Variants in BNC2 observed in about 807,000 individuals in gnomAD.
The protein encoded by BNC2 is zinc finger protein basonuclin-2.
BNC2 carries 20 observed loss-of-function variants against 76.3 expected under a neutral mutation model. The observed-to-expected ratio is 0.26, with a 90% CI of 0.18 to 0.38. The LOEUF (loss-of-function observed/expected upper bound fraction) is 0.38. Ranked by LOEUF, BNC2 falls within the 10% of genes least tolerant of loss-of-function variation. The probability of loss-of-function intolerance (pLI) is 1.00; values close to 1 mark genes in which losing one functional copy is unlikely to be tolerated. For synonymous variants in BNC2, 582 were observed against 514.8 expected, an observed-to-expected ratio of 1.13 and a Z score of -1.77; for missense variants, 1,382 against 1,399.8, an observed-to-expected ratio of 0.99 and a Z score of 0.20.
intron 3 of BNC2, among the ~76,000 whole-genome samples, chr9:16,622,232 C>T (rs1820885171): frequency 6.6e-6 from 1 of 152,110 alleles, no homozygotes; most frequent in Non-Finnish European, 1.5e-5. Context: ...TTCATCTGCG[C>T]CCACTCTAAA....
At chr9:16,578,013 ACC>A (rs1819532699) in intron 4 of BNC2, among the ~76,000 whole-genome samples, 1 of 152,102 alleles carries the variant, frequency 6.6e-6, no homozygotes, top group South Asian at 2.1e-4. Flanking sequence ...CACCTCACAT[ACC>A]TAGGAAACAG....
chr9:16,708,198 C>A (rs940789722), intron 3 of BNC2, among the ~76,000 whole-genome samples: 1 of 152,118 alleles, frequency 6.6e-6, no homozygotes, highest in Admixed American at 6.5e-5. Flanking sequence ...GTGAGTAGAT[C>A]AAATCTGTGA....
At chr9:16,694,629 C>T (rs980616774) in intron 3 of BNC2, among the ~76,000 whole-genome samples, 3 of 151,990 alleles carry the variant, frequency 2.0e-5, no homozygotes, top group African/African-American at 7.3e-5. Flanking sequence ...TGTAGCATGT[C>T]GAAGATCAAT....
chr9:16,725,018 G>A (rs1300653164), intron 3 of BNC2, among the ~76,000 whole-genome samples: 1 of 151,916 alleles, frequency 6.6e-6, no homozygotes, highest in African/African-American at 2.4e-5. Flanking sequence ...ATTTTACTTA[G>A]AAATAAAATA....
intron 4 of BNC2, among the ~76,000 whole-genome samples, chr9:16,559,804 T>C (rs1818954949): frequency 6.6e-6 from 1 of 152,256 alleles, no homozygotes; most frequent in African/African-American, 2.4e-5. Context: ...CATTCATTTA[T>C]CCACCAGCAC....
intron 1 of BNC2, among the ~76,000 whole-genome samples, chr9:16,765,433 A>G (rs1367525966): frequency 6.6e-6 from 1 of 152,242 alleles, no homozygotes; most frequent in Admixed American, 6.5e-5. Context: ...GATGGAAACA[A>G]TATTACTCAA....
intron 6 of BNC2, among the ~76,000 whole-genome samples, chr9:16,433,600 A>G (rs144606499): frequency 1.3e-5 from 2 of 152,344 alleles, no homozygotes; most frequent in African/African-American, 4.8e-5. Context: ...CCTCAGATAA[A>G]CCAACAAGCA....
intron 1 of BNC2, among the ~76,000 whole-genome samples, chr9:16,845,027 G>T (rs888392073): frequency 3.3e-5 from 5 of 152,112 alleles, no homozygotes; most frequent in Admixed American, 2.6e-4. Flanking sequence ...ACCAGGTTCA[G>T]AACCCAAAGA....
rs563728027 is a variant in BNC2 at position 16,866,695 on chromosome 9, C to T, written c.3+3951G>A. ...AAAAAAAAAAAAAAAACCATAATAGCACCTCCCAGCCTCAACACTGAGCCA... is the reference window on the plus strand; with the variant it reads ...AAAAAAAAAAAAAAAACCATAATAGTACCTCCCAGCCTCAACACTGAGCCA... On this transcript the variant is annotated intron_variant, in intron 1 of 6. Coordinates refer to ENST00000380672, the MANE Select transcript of BNC2 (RefSeq NM_017637.6). Among the ~76,000 whole-genome samples the T allele has an allele frequency of 5.3e-5, 8 of 149,592 alleles. No individual in the cohort carries two copies. The East Asian group carries it at 1.2e-3, about 22-fold the overall frequency.
At chr9:16,804,202 A>G (rs1261085068) in intron 1 of BNC2, among the ~76,000 whole-genome samples, 1 of 152,276 alleles carries the variant, frequency 6.6e-6, no homozygotes, top group Non-Finnish European at 1.5e-5. Flanking sequence ...TCAATAAAGC[A>G]TCATAAAATA....
At chr9:16,852,455 G>A (rs62541877) in intron 1 of BNC2, among the ~76,000 whole-genome samples, 16,849 of 152,010 alleles carry the variant, frequency 0.11, 1,212 homozygotes, top group Middle Eastern at 0.17. Context: ...TAAAGAATCC[G>A]TTCATATTCA....
At chr9:16,862,078 ATGC>A (rs912620052) in intron 1 of BNC2, among the ~76,000 whole-genome samples, 2 of 152,194 alleles carry the variant, frequency 1.3e-5, no homozygotes, top group African/African-American at 4.8e-5. Context: ...GAAAAGTAAA[ATGC>A]TGCAGTTGCG....
intron 1 of BNC2, among the ~76,000 whole-genome samples, chr9:16,762,851 C>G (rs1825589859): frequency 6.6e-6 from 1 of 152,114 alleles, no homozygotes; most frequent in African/African-American, 2.4e-5. Context: ...AATGAAGAGG[C>G]CTTGCATCTA....
At chr9:16,736,547 C>T (rs1224038026) in intron 2 of BNC2, among the ~76,000 whole-genome samples, 1 of 150,536 alleles carries the variant, frequency 6.6e-6, no homozygotes, top group East Asian at 2.0e-4. Context: ...GCAATCTTGG[C>T]TCACTGCAAT....
intron 3 of BNC2, among the ~76,000 whole-genome samples, chr9:16,622,444 T>C (rs1820890168): frequency 6.6e-6 from 1 of 152,162 alleles, no homozygotes; most frequent in African/African-American, 2.4e-5. Context: ...CTTAAGTGGA[T>C]GTGGATTAAC....
At chr9:16,570,096 T>C (rs1819278384) in intron 4 of BNC2, among the ~76,000 whole-genome samples, 1 of 152,174 alleles carries the variant, frequency 6.6e-6, no homozygotes, top group Non-Finnish European at 1.5e-5. Context: ...CTTTAAAGAC[T>C]TAATTTTCTT....
intron 5 of BNC2, among the ~76,000 whole-genome samples, chr9:16,539,813 GGAAAGGAAAGGAAA>G (rs1277195151): frequency 3.4e-5 from 5 of 145,766 alleles, no homozygotes; most frequent in African/African-American, 1.3e-4. Flanking sequence ...GGAAAGGAAA[GGAAAGGAAAGGAAA>G]GGAAGGGAAG....
chr9:16,750,999 C>G (rs184989814), intron 1 of BNC2, among the ~76,000 whole-genome samples: 1 of 152,282 alleles, frequency 6.6e-6, no homozygotes, highest in Admixed American at 6.5e-5. Context: ...TCTTTTTTCT[C>G]TGGCCCACCT....
chr9:16,424,765 C>T (rs1332527153), intron 6 of BNC2, among the ~76,000 whole-genome samples: 2 of 152,116 alleles, frequency 1.3e-5, no homozygotes, highest in Non-Finnish European at 2.9e-5. Flanking sequence ...GAAATGTAAA[C>T]CTGCTATCAA....
Sources: gnomAD v4.1 joint callset for allele counts (sites outside exome capture counted in the v4.1 genomes callset) on GRCh38, gnomAD v4.1.1 for gene constraint, MANE v1.5 for transcripts, NCBI Gene and HGNC (gene_info 2026-07-23, HGNC 2026-07-21) for gene names.